Variants in ERG observed in about 807,000 individuals in gnomAD.
ERG encodes transcriptional regulator ERG.
In ERG, 9 loss-of-function variants were observed where a neutral mutation model predicts 55.3. The observed-to-expected ratio is 0.16, with a 90% CI of 0.10 to 0.28. The LOEUF is 0.28. Ranked by LOEUF, ERG falls within the 10% of genes least tolerant of loss-of-function variation. The pLI, the probability that ERG is intolerant of heterozygous loss-of-function variation, is 1.00. For missense variants in ERG, 434 were observed against 631.6 expected (o/e 0.69, Z 3.35); for synonymous variants, 223 against 237.3 (o/e 0.94, Z 0.55).
chr21:38,608,694 G>A (rs2060209624), intron 1 of ERG, among the ~76,000 whole-genome samples: 1 of 152,112 alleles, frequency 6.6e-6, no homozygotes, highest in African/African-American at 2.4e-5. Flanking sequence ...TGAAAGAAAA[G>A]TCAGACAATT....
Position 38,400,679 on chromosome 21 carries a change from T to A in ERG, c.674-34A>T, listed in dbSNP as rs200846726. On this transcript the variant is annotated intron_variant, in intron 5 of 9. Transcript: ENST00000288319. ...AAAAGGAAAGACAAACATGTGAAGG[T>A]CTTTTGTTGTGGTTGTCGATCTCAA... The A allele has an allele frequency of 3.3e-6, 5 of 1,535,822 alleles. No individual in the cohort carries two copies. In the East Asian group the frequency reaches 9.1e-5, roughly 28 times the overall value.
At chr21:38,423,703 A>G in intron 2 of ERG, 142 bp from the exon 3 acceptor site, 1 of 870,030 alleles carries the variant, frequency 1.1e-6, no homozygotes, top group Non-Finnish European at 1.7e-6. Context: ...AAAGCCAAAT[A>G]CAGGCGGGGT....
chr21:38,636,594 A>G (rs1185606267), intron 1 of ERG, among the ~76,000 whole-genome samples: 2 of 152,230 alleles, frequency 1.3e-5, no homozygotes, highest in Non-Finnish European at 1.5e-5. Context: ...AGCTGGAACT[A>G]TAAAAGCCGG....
chr21:38,609,181 T>C lies in ERG; in HGVS notation c.-149-24236A>G, dbSNP rs374249057. ...ACAAGGGATGTAAAAGAGAGATCTG[T>C]CCAAACGTGGATGAAGGCAAAGGGG... is the stretch of plus-strand genomic sequence containing the variant. On this transcript the variant is annotated intron_variant, in intron 1 of 10. Transcript: ENST00000398910. 1.0e-3 allele frequency among the ~76,000 whole-genome samples: 154 copies of C among 152,206 alleles called. 1 individual carries two copies. Among genetic ancestry groups the C allele is most frequent in the African/African-American group, 3.5e-3 (146 of 41,522 alleles).
chr21:38,615,321 C>A lies in ERG; in HGVS notation c.-149-30376G>T, dbSNP rs1601316250. Among the ~76,000 whole-genome samples, 4 of 152,258 alleles carry A rather than the reference C, an allele frequency of 2.6e-5. No individual in the cohort carries two copies. In the South Asian group the frequency reaches 8.3e-4, roughly 32 times the overall value. On this transcript the variant is annotated intron_variant, in intron 1 of 10. Transcript: ENST00000398910. ...AAATAAATGGGGAGATGCGGAATTA[C>A]CTCACTGAATAAAATGGTTATCTGA... is the stretch of plus-strand genomic sequence containing the variant.
At chr21:38,439,709 A>G (rs1339669329) in intron 2 of ERG, among the ~76,000 whole-genome samples, 2 of 152,246 alleles carry the variant, frequency 1.3e-5, no homozygotes, top group African/African-American at 4.8e-5. Flanking sequence ...CTCGCAAAGC[A>G]GTGGTTCCTT....
intron 2 of ERG, among the ~76,000 whole-genome samples, chr21:38,567,018 T>C (rs2059927045): frequency 6.6e-6 from 1 of 152,230 alleles, no homozygotes; most frequent in Non-Finnish European, 1.5e-5. Context: ...CTGATTAAGT[T>C]GGTGCCCCCT....
At chr21:38,583,270 C>T (rs1010271102) in intron 1 of ERG, among the ~76,000 whole-genome samples, 2 of 152,192 alleles carry the variant, frequency 1.3e-5, no homozygotes, top group African/African-American at 4.8e-5. Context: ...CCTTATGGGG[C>T]AGGAAGAAGG....
At chr21:38,368,031 TAA>T in the ERG span, among the ~76,000 whole-genome samples, 1 of 152,162 alleles carries the variant, frequency 6.6e-6, no homozygotes, top group African/African-American at 2.4e-5. Context: ...AAAAAATAAC[TAA>T]AGTCAAAGGG....
chr21:38,623,201 TCATA>T (rs1213285221), intron 1 of ERG, among the ~76,000 whole-genome samples: 1 of 145,202 alleles, frequency 6.9e-6, no homozygotes, highest in East Asian at 2.0e-4. Context: ...CACCACATGC[TCATA>T]AATAACACAC....
chr21:38,468,633 C>G (rs1437943357), intron 1 of ERG, among the ~76,000 whole-genome samples: 1 of 152,142 alleles, frequency 6.6e-6, no homozygotes, highest in African/African-American at 2.4e-5. Flanking sequence ...TCACCATATA[C>G]CTCATCAAGC....
chr21:38,607,162 T>C (rs1008570849), intron 1 of ERG, among the ~76,000 whole-genome samples: 1 of 152,196 alleles, frequency 6.6e-6, no homozygotes, highest in East Asian at 1.9e-4. Flanking sequence ...GGAAAATAAC[T>C]GGCAACCTAA....
rs181861333 is a variant in ERG, at chr21:38,593,046, C to T, written c.-149-8101G>A. Among the ~76,000 whole-genome samples, 5 of 152,300 alleles carry T rather than the reference C, an allele frequency of 3.3e-5. No individual in the cohort carries two copies. The East Asian group carries it at 9.6e-4, about 29-fold the overall frequency. ...GTAAAGCCCAAGACGTTCTTGGACC[C>T]AAGGAAACTTTCAGTTCTTTCTCAG... On this transcript the variant is annotated intron_variant, in intron 1 of 10. Coordinates refer to the ERG transcript ENST00000398910.
intron 2 of ERG, among the ~76,000 whole-genome samples, chr21:38,543,278 C>G (rs1343160523): frequency 6.6e-6 from 1 of 151,568 alleles, no homozygotes; most frequent in African/African-American, 2.4e-5. Context: ...AATCTTTATC[C>G]CCTTGGTCAT....
At chr21:38,498,634 G>T, upstream of ERG, 1 of 373,860 alleles carries the variant, frequency 2.7e-6, no homozygotes, top group Non-Finnish European at 3.7e-6. This position sits in a 1 kb window ranked among gnomAD's most constrained non-coding sequence, Gnocchi z 4.6. Flanking sequence ...GCAGCCAGGA[G>T]ATTTTTTTTT....
At chr21:38,586,070 TAGG>T (rs1568932054), upstream of ERG, among the ~76,000 whole-genome samples, 1 of 151,776 alleles carries the variant, frequency 6.6e-6, no homozygotes, top group Non-Finnish European at 1.5e-5. Context: ...CAGTGTGAAA[TAGG>T]AGTTCTTATT....
chr21:38,608,810 A>G (rs1197937513), intron 1 of ERG, among the ~76,000 whole-genome samples: 1 of 152,198 alleles, frequency 6.6e-6, no homozygotes, highest in Non-Finnish European at 1.5e-5. Flanking sequence ...CCAGATTCCC[A>G]CAGCCCATCC....
intron 2 of ERG, among the ~76,000 whole-genome samples, chr21:38,524,255 C>T (rs866955345): frequency 1.3e-5 from 2 of 152,174 alleles, no homozygotes; most frequent in Non-Finnish European, 2.9e-5. Context: ...ACTTAAATTG[C>T]TTTAATCAGC....
At chr21:38,603,387 G>A (rs1006227666) in intron 1 of ERG, among the ~76,000 whole-genome samples, 2 of 152,030 alleles carry the variant, frequency 1.3e-5, no homozygotes, top group Non-Finnish European at 2.9e-5. Flanking sequence ...TTGGGAGGCC[G>A]AGGTGGGCAG....
Sources: allele counts gnomAD v4.1 joint callset (sites outside exome capture counted in the v4.1 genomes callset), GRCh38; gene constraint gnomAD v4.1.1; non-coding constraint Gnocchi (gnomAD v3.1); transcripts MANE v1.5; gene names NCBI Gene and HGNC (gene_info 2026-07-23, HGNC 2026-07-21).